The following IL26 variants were observed in gnomAD, a reference collection of about 807,000 sequenced individuals.
IL26 encodes interleukin-26.
Under a neutral mutation model 21.7 loss-of-function variants are expected in IL26, and 23 were observed. The observed-to-expected ratio is 1.06, with a 90% confidence interval of 0.76 to 1.50. IL26 has a LOEUF of 1.50. Ranked by LOEUF, IL26 falls within the 40% of genes most tolerant of loss-of-function variation. The pLI, the probability that IL26 is intolerant of heterozygous loss-of-function variation, is 0.00. For synonymous variants in IL26, 63 were observed against 67.8 expected, an observed-to-expected ratio of 0.93 and a Z score of 0.34; for missense variants, 204 against 196.0, an observed-to-expected ratio of 1.04 and a Z score of -0.24.
chr12:68,209,343 G>A (rs1248953337), intron 3 of IL26, among the ~76,000 whole-genome samples: 2 of 152,236 alleles, frequency 1.3e-5, no homozygotes, highest in African/African-American at 4.8e-5. Context: ...AACAGGTGGT[G>A]AGAATGTGGG....
intron 3 of IL26, among the ~76,000 whole-genome samples, chr12:68,209,474 G>A (rs893157674): frequency 2.0e-5 from 3 of 152,214 alleles, no homozygotes; most frequent in Admixed American, 1.3e-4. Flanking sequence ...GATCCTGGGA[G>A]AGCAAGGAGC....
intron 1 of IL26, 35 bp downstream of exon 1, chr12:68,225,551 T>A (rs954171322): frequency 6.2e-7 from 1 of 1,610,872 alleles, no homozygotes; most frequent in African/African-American, 1.3e-5. Flanking sequence ...TAAATGTCCT[T>A]GAGGTCATGA....
At chr12:68,202,223 T>A (rs890124544) in intron 3 of IL26, 140 bp from the exon 4 acceptor site, 12 of 496,064 alleles carry the variant, frequency 2.4e-5, no homozygotes, top group Non-Finnish European at 3.9e-5. Context: ...TAATGCATGA[T>A]CTTTTTCCTC....
chr12:68,217,071 A>G (rs1176925377), intron 3 of IL26, among the ~76,000 whole-genome samples: 1 of 149,346 alleles, frequency 6.7e-6, no homozygotes, highest in Non-Finnish European at 1.5e-5. Flanking sequence ...ATAAACATAA[A>G]GAAGTTTACA....
chr12:68,223,302 C>A (rs1869115288), intron 3 of IL26, among the ~76,000 whole-genome samples: 1 of 152,064 alleles, frequency 6.6e-6, no homozygotes, highest in South Asian at 2.1e-4. Context: ...ATGATGTGTT[C>A]GTATTTGGCC....
At chr12:68,212,762 A>AT (rs1408634870) in intron 3 of IL26, among the ~76,000 whole-genome samples, 66 of 152,052 alleles carry the variant, frequency 4.3e-4, no homozygotes, top group African/African-American at 1.5e-3. Context: ...AATTTACGGA[A>AT]TTTTTTTTAT....
At chr12:68,215,084 A>G (rs1276401906) in intron 3 of IL26, among the ~76,000 whole-genome samples, 1 of 152,214 alleles carries the variant, frequency 6.6e-6, no homozygotes, top group African/African-American at 2.4e-5. Flanking sequence ...CAAACAGATG[A>G]CAACTTATAT....
At chr12:68,210,245 A>T (rs1472325133) in intron 3 of IL26, among the ~76,000 whole-genome samples, 1 of 150,872 alleles carries the variant, frequency 6.6e-6, no homozygotes, top group African/African-American at 2.4e-5. Context: ...GGGTCCTACA[A>T]ATATTATCTG....
At position 68,215,739 on chromosome 12, in the gene IL26, C is replaced by A. The variant is rs1265956417; in HGVS notation, c.363+9410G>T. Reference sequence around the variant, plus strand: ...CTGGAGAGCAGTGGTGCAATCTTGACGCATTGCAATCTCAGCCTCCTGGGT... The same window carrying A: ...CTGGAGAGCAGTGGTGCAATCTTGAAGCATTGCAATCTCAGCCTCCTGGGT... On this transcript the variant is annotated intron_variant, in intron 3 of 4. Transcript: ENST00000229134. Among the ~76,000 whole-genome samples, 4 of 152,214 alleles carry A rather than the reference C, an allele frequency of 2.6e-5. No homozygotes were observed. In the East Asian group the frequency reaches 5.8e-4, roughly 22 times the overall value.
intron 3 of IL26, among the ~76,000 whole-genome samples, chr12:68,202,441 C>T (rs1868414752): frequency 6.6e-6 from 1 of 152,072 alleles, no homozygotes; most frequent in East Asian, 1.9e-4. Flanking sequence ...TAAATAACTA[C>T]CCGAGACTGG....
rs779696892 is a variant in IL26, at chr12:68,201,814, T to A, written c.*31A>T. 1 of 1,425,258 alleles carries A rather than the reference T, an allele frequency of 7.0e-7. No homozygotes were observed. The highest frequency in any genetic ancestry group is 2.3e-5 in the East Asian group (1 of 43,904). 88.3% of individuals were successfully genotyped at this position (1,425,258 alleles called of 1,614,324 possible). Reference sequence around the variant, plus strand: ...TAGCAGTTCTTATTGTATTTCAAAATAACTGTAAAATCAATGTACTTGGCT... The same window carrying A: ...TAGCAGTTCTTATTGTATTTCAAAAAAACTGTAAAATCAATGTACTTGGCT... On this transcript the variant is annotated 3_prime_UTR_variant, in exon 5 of 5. Coordinates refer to ENST00000229134, the MANE Select transcript of IL26 (RefSeq NM_018402.2).
chr12:68,210,766 G>T (rs1227790608), intron 3 of IL26, among the ~76,000 whole-genome samples: 1 of 151,914 alleles, frequency 6.6e-6, no homozygotes, highest in Non-Finnish European at 1.5e-5. Flanking sequence ...TCCAACCATA[G>T]AAAAAAATTA....
intron 3 of IL26, among the ~76,000 whole-genome samples, chr12:68,222,809 G>C (rs1869092607): frequency 6.6e-6 from 1 of 152,164 alleles, no homozygotes; most frequent in Non-Finnish European, 1.5e-5. Flanking sequence ...AGTACGGACG[G>C]CAGGGGAAAT....
At chr12:68,215,252 C>T (rs1414330533) in intron 3 of IL26, among the ~76,000 whole-genome samples, 1 of 152,154 alleles carries the variant, frequency 6.6e-6, no homozygotes. Flanking sequence ...GCTGATTGTC[C>T]ACCTCAATCC....
At chr12:68,215,031 C>T (rs1435922079) in intron 3 of IL26, among the ~76,000 whole-genome samples, 5 of 151,484 alleles carry the variant, frequency 3.3e-5, no homozygotes, top group African/African-American at 1.2e-4. Flanking sequence ...GTGGTTACCA[C>T]GAGGCTTACA....
intron 3 of IL26, among the ~76,000 whole-genome samples, chr12:68,212,893 G>A (rs1391638180): frequency 2.0e-5 from 3 of 151,936 alleles, no homozygotes; most frequent in Admixed American, 6.5e-5. Flanking sequence ...TCCTTCTCTT[G>A]ATTATTTGCT....
chr12:68,212,850 A>C (rs1291659347), intron 3 of IL26, among the ~76,000 whole-genome samples: 1 of 152,022 alleles, frequency 6.6e-6, no homozygotes, highest in African/African-American at 2.4e-5. Context: ...GCATAATTTA[A>C]CTTCTTCCTT....
chr12:68,210,032 G>A (rs989155241), intron 3 of IL26, among the ~76,000 whole-genome samples: 5 of 151,432 alleles, frequency 3.3e-5, no homozygotes, highest in African/African-American at 1.2e-4. Flanking sequence ...TGTTTTTTTA[G>A]TTGACCTTAA....
intron 3 of IL26, among the ~76,000 whole-genome samples, chr12:68,206,905 A>G (rs991824170): frequency 1.3e-5 from 2 of 152,134 alleles, no homozygotes; most frequent in African/African-American, 4.8e-5. Context: ...TTTTAAGCCA[A>G]ATGTCTTTCT....
Sources: gnomAD v4.1 joint callset for allele counts (sites outside exome capture counted in the v4.1 genomes callset) on GRCh38, gnomAD v4.1.1 for gene constraint, MANE v1.5 for transcripts, NCBI Gene and HGNC (gene_info 2026-07-23, HGNC 2026-07-21) for gene names.